Variants in FOLH1 observed in about 807,000 individuals in gnomAD.
FOLH1 encodes glutamate carboxypeptidase 2.
In FOLH1, 54 loss-of-function variants were observed where a neutral mutation model predicts 93.9. That is an observed-to-expected ratio of 0.57 (90% CI 0.46 to 0.72). FOLH1 has a LOEUF of 0.72. Ranked by LOEUF, FOLH1 falls within the 30% of genes least tolerant of loss-of-function variation. The pLI is 0.00. For synonymous variants in FOLH1, 249 were observed against 303.6 expected (o/e 0.82, Z 1.87); for missense variants, 571 against 892.5 (o/e 0.64, Z 4.59).
intron 6 of FOLH1, among the ~76,000 whole-genome samples, chr11:49,185,234 C>A (rs1192999288): frequency 1.3e-5 from 2 of 152,178 alleles, no homozygotes; most frequent in Admixed American, 6.5e-5. Flanking sequence ...AAAACCTGAT[C>A]TGACCTGAAC....
chr11:49,164,597 T>A, intron 13 of FOLH1, 108 bp downstream of exon 13: 1 of 721,922 alleles, frequency 1.4e-6, no homozygotes, highest in African/African-American at 1.8e-5. Context: ...ATATGTTATA[T>A]GAAATGAAGA....
At chr11:49,156,930 G>C (rs532426822) in intron 14 of FOLH1, 123 bp from the exon 15 acceptor site, 4 of 1,483,466 alleles carry the variant, frequency 2.7e-6, no homozygotes, top group Non-Finnish European at 3.6e-6. Flanking sequence ...TACAGCTTTA[G>C]ACATGCAGCA....
At position 49,176,751 on chromosome 11, in the gene FOLH1, A is replaced by C. The variant is rs546358546; in HGVS notation, c.921-794T>G. On this transcript the variant is annotated intron_variant, in intron 7 of 18. Coordinates refer to ENST00000256999, the MANE Select transcript of FOLH1 (RefSeq NM_004476.3). ...AATAATCTCGACCTTAATTGTAACT[A>C]TATTTTTATGAAAATCCAGCTGTAA... 1.3e-4 allele frequency among the ~76,000 whole-genome samples: 20 copies of C among 151,936 alleles called. No homozygotes were observed. The South Asian group carries it at 4.2e-3, about 32-fold the overall frequency.
chr11:49,192,497 A>G (rs1419269384), intron 4 of FOLH1, among the ~76,000 whole-genome samples: 1 of 152,232 alleles, frequency 6.6e-6, no homozygotes. Context: ...AGTGAAGGTC[A>G]TATGCTGTAC....
intron 2 of FOLH1, among the ~76,000 whole-genome samples, chr11:49,202,325 A>G (rs192103566): frequency 6.6e-6 from 1 of 152,198 alleles, no homozygotes; most frequent in Admixed American, 6.5e-5. Context: ...TGAATTTACA[A>G]ATTTTCCCAA....
intron 10 of FOLH1, among the ~76,000 whole-genome samples, chr11:49,171,794 A>G (rs764486539): frequency 1.3e-5 from 2 of 151,944 alleles, no homozygotes; most frequent in Non-Finnish European, 2.9e-5. Context: ...GCTGAAAACC[A>G]CATAATTCAG....
intron 13 of FOLH1, among the ~76,000 whole-genome samples, chr11:49,161,681 G>A (rs1857718602): frequency 6.6e-6 from 1 of 152,088 alleles, no homozygotes; most frequent in African/African-American, 2.4e-5. Context: ...GATGTTAGCT[G>A]GTTATTCTGC....
chr11:49,152,531 A>T (rs1856602697), intron 17 of FOLH1, among the ~76,000 whole-genome samples: 1 of 152,220 alleles, frequency 6.6e-6, no homozygotes, highest in South Asian at 2.1e-4. Flanking sequence ...TGAATTATGC[A>T]TTAGTGAACT....
intron 10 of FOLH1, among the ~76,000 whole-genome samples, chr11:49,171,814 G>A (rs1486901722): frequency 3.9e-5 from 6 of 152,078 alleles, no homozygotes; most frequent in African/African-American, 1.4e-4. Flanking sequence ...GCAGAGGGGT[G>A]ATGTGTCTCG....
intron 1 of FOLH1, chr11:49,206,893 G>A: frequency 1.0e-6 from 1 of 996,632 alleles, no homozygotes; most frequent in South Asian, 1.4e-5. Flanking sequence ...GATAAGGCAA[G>A]ATTCCAGGGT....
At chr11:49,178,917 T>A (rs1860408643) in intron 7 of FOLH1, among the ~76,000 whole-genome samples, 1 of 152,190 alleles carries the variant, frequency 6.6e-6, no homozygotes, top group East Asian at 1.9e-4. Context: ...GCACTGTGTT[T>A]TATTCACTAA....
intron 2 of FOLH1, among the ~76,000 whole-genome samples, chr11:49,201,237 T>C (rs1165551330): frequency 2.1e-5 from 3 of 145,706 alleles, no homozygotes; most frequent in African/African-American, 7.8e-5. Flanking sequence ...CATGACAAGA[T>C]ATTATGTAGC....
intron 2 of FOLH1, among the ~76,000 whole-genome samples, chr11:49,204,724 G>A (rs1013491636): frequency 2.6e-5 from 4 of 152,064 alleles, no homozygotes; most frequent in Admixed American, 2.6e-4. Flanking sequence ...ATATATGTTT[G>A]TATGATTATA....
At chr11:49,156,850 T>A (rs762801890) in intron 14 of FOLH1, 43 bp from the exon 15 acceptor site, 19 of 1,607,402 alleles carry the variant, frequency 1.2e-5, no homozygotes, top group African/African-American at 6.7e-5. Context: ...AGTAATTTGT[T>A]CATTAAGCAC....
Position 49,154,506 on chromosome 11 carries a change from A to G in FOLH1, c.1624-14T>C, listed in dbSNP as rs117109255. ...TTTGTTTGTTTCCTACAGAAAAAAC[A>G]ACAAAACATATCTCTTATAGGATAG... On this transcript the variant is annotated splice_polypyrimidine_tract_variant and intron_variant, in intron 15 of 18. Coordinates refer to ENST00000256999, the MANE Select transcript of FOLH1 (RefSeq NM_004476.3). The G allele has an allele frequency of 0.067, 103,574 of 1,544,970 alleles. 8,671 individuals are homozygous for G. Among genetic ancestry groups the G allele is most frequent in the Non-Finnish European group, 0.074 (84,492 of 1,140,954 alleles).
intron 6 of FOLH1, among the ~76,000 whole-genome samples, chr11:49,184,367 A>T (rs1249130740): frequency 1.3e-5 from 2 of 152,182 alleles, no homozygotes; most frequent in African/African-American, 2.4e-5. Flanking sequence ...CATTAGCCCC[A>T]TAGAAATAAC....
In FOLH1 at chr11:49,174,963, T is replaced by C. The variant is rs768777213; in HGVS notation, c.1034A>G (p.His345Arg). Residue 345 changes from histidine to arginine, a missense_variant, in exon 9 of 19, where the codon CAC becomes CGC. Physicochemically the swap from His to Arg is conservative, Grantham distance 29 (BLOSUM62 0). Transcript: ENST00000256999. ...TGTCACTTCATTGGTAGAGTGGATGTGCATCTTGACTTTTCTAATGCAAAA... is the reference window on the plus strand; with the variant it reads ...TGTCACTTCATTGGTAGAGTGGATGCGCATCTTGACTTTTCTAATGCAAAA... Reference protein sequence around the residue: ...GNFSTQKVKMHIHSTNEVTRI... With the variant: ...GNFSTQKVKMRIHSTNEVTRI... The C allele has an allele frequency of 1.9e-6, 3 of 1,610,594 alleles. No homozygotes were observed. In the South Asian group the frequency reaches 3.3e-5, roughly 18 times the overall value.
At chr11:49,188,119 A>G (rs1861619228) in intron 4 of FOLH1, among the ~76,000 whole-genome samples, 1 of 152,204 alleles carries the variant, frequency 6.6e-6, no homozygotes, top group African/African-American at 2.4e-5. Context: ...TCTTTTATTA[A>G]TCACTGTCAA....
Position 49,200,246 on chromosome 11 carries a change from ATT to A in FOLH1, c.411+7_411+8del, listed in dbSNP as rs772477133. 6.7e-7 allele frequency: 1 copy of A among 1,499,658 alleles called. No individual in the cohort carries two copies. Among genetic ancestry groups the A allele is most frequent in the African/African-American group, 1.4e-5 (1 of 70,330 alleles). 92.9% of individuals were successfully genotyped at this position (1,499,658 alleles called of 1,614,324 possible). On this transcript the variant is annotated splice_region_variant and intron_variant, in intron 3 of 18. Transcript: ENST00000256999. ...GAATGTTTCTTTTATTTATTTATTT[ATT>A]TTTTACCTCATTTCCATCTTCATTA... is the stretch of plus-strand genomic sequence containing the variant.
Sources: allele counts gnomAD v4.1 joint callset (sites outside exome capture counted in the v4.1 genomes callset), GRCh38; gene constraint gnomAD v4.1.1; transcripts MANE v1.5; gene names NCBI Gene and HGNC (gene_info 2026-07-23, HGNC 2026-07-21).